The following SYNJ2 variants were observed in gnomAD, a reference collection of about 807,000 sequenced individuals.
The protein encoded by SYNJ2 is synaptojanin 2, also known as polyphosphatidylinositol phosphatase SYNJ2.
A neutral mutation model predicts 141.3 loss-of-function variants in SYNJ2; 116 were observed. That is an observed-to-expected ratio of 0.82 (90% CI 0.71 to 0.96). The LOEUF (loss-of-function observed/expected upper bound fraction) is 0.96, where lower values mean the gene tolerates loss of function less well. Ranked by LOEUF, SYNJ2 falls within the 40% of genes least tolerant of loss-of-function variation. SYNJ2 has a pLI of 0.00. For missense variants in SYNJ2, 1,873 were observed against 1,934.8 expected (o/e 0.97, Z 0.60); for synonymous variants, 745 against 777.7 (o/e 0.96, Z 0.70).
chr6:158,044,573 C>T (rs990117376), intron 5 of SYNJ2, among the ~76,000 whole-genome samples: 5 of 152,178 alleles, frequency 3.3e-5, no homozygotes, highest in African/African-American at 7.2e-5. Context: ...GAAACTCCTC[C>T]GGAGGGCTGC....
At chr6:158,042,585 C>T (rs1322490106) in intron 4 of SYNJ2, among the ~76,000 whole-genome samples, 10 of 152,270 alleles carry the variant, frequency 6.6e-5, no homozygotes, top group Non-Finnish European at 1.3e-4. Flanking sequence ...CCTTTTAAAA[C>T]TCCCTTGCAC....
At chr6:158,018,207 G>C (rs542470540) in intron 2 of SYNJ2, among the ~76,000 whole-genome samples, 132 of 152,244 alleles carry the variant, frequency 8.7e-4, no homozygotes, top group Admixed American at 1.9e-3. Flanking sequence ...GTGGCCGGCT[G>C]TCGTGGGTGG....
rs188011550 is a variant in SYNJ2, at chr6:158,064,764, G to C, written c.1359+14G>C. ...GGGAAGGCCAAGGTAGGGCCCCGCC[G>C]AGGGGGCAGGGTGGGGGCCCCAGGG... is the stretch of plus-strand genomic sequence containing the variant. On this transcript the variant is annotated intron_variant, in intron 10 of 26. Transcript: ENST00000355585. 2 of 1,613,018 alleles carry C rather than the reference G, an allele frequency of 1.2e-6. No homozygotes were observed. Among genetic ancestry groups the C allele is most frequent in the Non-Finnish European group, 1.7e-6 (2 of 1,179,650 alleles).
intron 15 of SYNJ2, among the ~76,000 whole-genome samples, chr6:158,073,242 G>C (rs563953445): frequency 6.6e-6 from 1 of 152,052 alleles, no homozygotes; most frequent in South Asian, 2.1e-4. Flanking sequence ...CTGCCACCCA[G>C]GCTGGAGTGC....
intron 3 of SYNJ2, among the ~76,000 whole-genome samples, chr6:158,032,315 G>A (rs1398711815): frequency 6.6e-6 from 1 of 152,236 alleles, no homozygotes; most frequent in African/African-American, 2.4e-5. Context: ...AGAAAATGCT[G>A]CTGCTGTCTT....
intron 2 of SYNJ2, among the ~76,000 whole-genome samples, chr6:158,019,072 C>T (rs376257642): frequency 6.6e-6 from 1 of 152,234 alleles, no homozygotes; most frequent in African/African-American, 2.4e-5. Context: ...AGGGATGCCG[C>T]GTTCCATCCA....
intron 5 of SYNJ2, among the ~76,000 whole-genome samples, chr6:158,044,931 C>T (rs912837623): frequency 2.0e-5 from 3 of 151,992 alleles, no homozygotes; most frequent in East Asian, 1.9e-4. Flanking sequence ...AAGAATTGAT[C>T]GAATGAGTGT....
chr6:158,030,951 A>G (rs1265366310), intron 3 of SYNJ2: 1 of 152,252 alleles, frequency 6.6e-6, no homozygotes, highest in East Asian at 1.9e-4. Flanking sequence ...TGATCTCATT[A>G]AAAATGCAGA....
rs763550081 is a variant in SYNJ2, at chr6:157,994,086, A to G, written c.127+11998A>G. On this transcript the variant is annotated intron_variant, in intron 1 of 26. Coordinates refer to ENST00000355585, the MANE Select transcript of SYNJ2 (RefSeq NM_003898.4). ...TGCCTCGGACTTCAAAAGTGCTGGGATTACATTACAGGTGTGAGCCACCAC... is the reference window on the plus strand; with the variant it reads ...TGCCTCGGACTTCAAAAGTGCTGGGGTTACATTACAGGTGTGAGCCACCAC... Among the ~76,000 whole-genome samples, 79 of 151,950 alleles carry G rather than the reference A, an allele frequency of 5.2e-4. 1 individual carries two copies. Among genetic ancestry groups the G allele is most frequent in the Non-Finnish European group, 1.0e-3 (68 of 67,980 alleles).
At chr6:158,063,091 T>C (rs1781324663) in intron 8 of SYNJ2, among the ~76,000 whole-genome samples, 1 of 152,230 alleles carries the variant, frequency 6.6e-6, no homozygotes, top group African/African-American at 2.4e-5. Flanking sequence ...AACAAGGTTG[T>C]ATATTGATCA....
At chr6:158,038,513 G>T (rs1779759857) in intron 4 of SYNJ2, among the ~76,000 whole-genome samples, 1 of 152,218 alleles carries the variant, frequency 6.6e-6, no homozygotes, top group South Asian at 2.1e-4. Context: ...TATGTTTCAG[G>T]CTGTGCTGAT....
chr6:158,066,601 C>G lies in SYNJ2; in HGVS notation c.1683C>G (p.Asp561Glu), dbSNP rs777960971. 9.9e-6 allele frequency: 16 copies of G among 1,613,772 alleles called. No individual in the cohort carries two copies. Among genetic ancestry groups the G allele is most frequent in the Middle Eastern group, 1.6e-4 (1 of 6,084 alleles). Reference protein sequence around the residue: ...RTAELTDWLLDSPQLSGATDS... With the variant: ...RTAELTDWLLESPQLSGATDS... ...CGGAGCTGACAGACTGGCTGCTCGA[C>G]TCGCCCCAGCTCTCGGGAGCTACCG... Residue 561 changes from aspartate to glutamate, a missense_variant, in exon 12 of 27, where the codon GAC becomes GAG. By Grantham distance (45) the Asp-to-Glu change is conservative. Transcript: ENST00000355585.
chr6:158,083,734 G>A, intron 21 of SYNJ2, 137 bp downstream of exon 21: 1 of 1,184,532 alleles, frequency 8.4e-7, no homozygotes, highest in Middle Eastern at 2.2e-4. Flanking sequence ...CCCATGTGAT[G>A]AGCATGTTTG....
intron 2 of SYNJ2, chr6:158,028,546 A>G: frequency 1.6e-6 from 1 of 619,036 alleles, no homozygotes; most frequent in Non-Finnish European, 2.8e-6. Context: ...CTTGCTGGCC[A>G]GGGTCCCACA....
chr6:158,034,492 A>T (rs1779536606), intron 4 of SYNJ2, among the ~76,000 whole-genome samples: 1 of 152,200 alleles, frequency 6.6e-6, no homozygotes, highest in African/African-American at 2.4e-5. Context: ...AATCCAGCAG[A>T]GGTTTGAGCA....
rs779235206 is a variant in SYNJ2, at chr6:158,040,725, A to G, written c.712-2591A>G. On this transcript the variant is annotated intron_variant, in intron 4 of 26. Coordinates refer to ENST00000355585, the MANE Select transcript of SYNJ2 (RefSeq NM_003898.4). The surrounding 1 kb of genome is among the most constrained non-coding windows in gnomAD (Gnocchi z 4.2). Reference sequence around the variant, plus strand: ...GATAGAAGGTATATGTACCCCTGTGAGTTTTCCTGCCTCGTCGCTCTCTTT... The same window carrying G: ...GATAGAAGGTATATGTACCCCTGTGGGTTTTCCTGCCTCGTCGCTCTCTTT... Among the ~76,000 whole-genome samples the G allele has an allele frequency of 1.3e-5, 2 of 152,128 alleles. No individual in the cohort carries two copies. Among genetic ancestry groups the G allele is most frequent in the Non-Finnish European group, 2.9e-5 (2 of 68,026 alleles).
At chr6:158,077,300 G>A (rs1056353526) in intron 17 of SYNJ2, among the ~76,000 whole-genome samples, 2 of 152,078 alleles carry the variant, frequency 1.3e-5, no homozygotes, top group African/African-American at 4.8e-5. Context: ...GGCCTCCTCT[G>A]GTCTCTTTCT....
In SYNJ2 at chr6:158,000,306, C is replaced by G. The variant is rs116191435; in HGVS notation, c.128-16898C>G. On this transcript the variant is annotated intron_variant, in intron 1 of 26. Transcript: ENST00000355585. ...ATGTATGGAGAAGGCCGGAGAGTCA[C>G]AAACCATATGTGCCTGAGATGTGCC... 7.8e-3 allele frequency among the ~76,000 whole-genome samples: 1,187 copies of G among 152,184 alleles called. 17 individuals carry two copies. The highest frequency in any genetic ancestry group is 0.027 in the African/African-American group (1,122 of 41,526).
intron 18 of SYNJ2, among the ~76,000 whole-genome samples, chr6:158,079,696 G>A (rs962707245): frequency 2.0e-5 from 3 of 152,166 alleles, no homozygotes; most frequent in Admixed American, 2.0e-4. Context: ...TTAGATACCT[G>A]TTGTTGCAAA....
Sources: gnomAD v4.1 joint callset for allele counts (sites outside exome capture counted in the v4.1 genomes callset) on GRCh38, gnomAD v4.1.1 for gene constraint, Gnocchi (gnomAD v3.1) non-coding constraint, MANE v1.5 for transcripts, NCBI Gene and HGNC (gene_info 2026-07-23, HGNC 2026-07-21) for gene names.